Variants in SLC24A2 observed in about 807,000 individuals in gnomAD.
SLC24A2 encodes solute carrier family 24 member 2.
In SLC24A2, 36 loss-of-function variants were observed where a neutral mutation model predicts 62.0. That is an observed-to-expected ratio of 0.58 (90% CI 0.44 to 0.77). The LOEUF (loss-of-function observed/expected upper bound fraction) is 0.77, where lower values mean the gene tolerates loss of function less well. Ranked by LOEUF, SLC24A2 falls within the 30% of genes least tolerant of loss-of-function variation. The pLI is 0.00. For missense variants in SLC24A2, 846 were observed against 817.9 expected (o/e 1.03, Z -0.42); for synonymous variants, 358 against 294.0 (o/e 1.22, Z -2.23).
At chr9:20,094,018 C>T in the SLC24A2 span, among the ~76,000 whole-genome samples, 2 of 152,042 alleles carry the variant, frequency 1.3e-5, no homozygotes, top group African/African-American at 2.4e-5. Flanking sequence ...AGAGTTTTCA[C>T]GGAGTCTATG....
chr9:20,234,306 A>G, the SLC24A2 span, among the ~76,000 whole-genome samples: 32 of 152,270 alleles, frequency 2.1e-4, no homozygotes, highest in East Asian at 5.8e-3. Context: ...CTCCTGGATA[A>G]TATCCTGCAG....
chr9:19,668,842 G>A (rs1176793498), intron 2 of SLC24A2, among the ~76,000 whole-genome samples: 1 of 152,174 alleles, frequency 6.6e-6, no homozygotes, highest in Non-Finnish European at 1.5e-5. Flanking sequence ...TTGGTGCAGA[G>A]ATCAGGTCTT....
chr9:19,943,274 C>CTT, the SLC24A2 span, among the ~76,000 whole-genome samples: 9 of 151,736 alleles, frequency 5.9e-5, no homozygotes, highest in Non-Finnish European at 8.8e-5. Context: ...TGATGAATGA[C>CTT]TTTTTTCACT....
chr9:20,254,016 G>C, the SLC24A2 span, among the ~76,000 whole-genome samples: 3,428 of 152,310 alleles, frequency 0.023, 113 homozygotes, highest in African/African-American at 0.076. Context: ...AAAGCAAAGA[G>C]AGAGACAAAG....
chr9:19,765,644 T>C (rs374740012), intron 2 of SLC24A2, among the ~76,000 whole-genome samples: 3 of 152,354 alleles, frequency 2.0e-5, no homozygotes, highest in Admixed American at 6.5e-5. Context: ...TTCTGGCTTG[T>C]AGGGTTTCTG....
the SLC24A2 span, among the ~76,000 whole-genome samples, chr9:19,912,407 A>C: frequency 2.6e-5 from 4 of 152,186 alleles, no homozygotes; most frequent in African/African-American, 9.7e-5. Context: ...GCAGGGATTT[A>C]AATCAGGTAT....
the SLC24A2 span, among the ~76,000 whole-genome samples, chr9:20,110,647 G>C: frequency 1.8e-4 from 28 of 152,110 alleles, no homozygotes; most frequent in East Asian, 5.4e-3. Context: ...ATTGTTACTA[G>C]ATCTTCTCTT....
intron 7 of SLC24A2, among the ~76,000 whole-genome samples, chr9:19,555,679 T>C (rs1271199032): frequency 6.6e-6 from 1 of 152,218 alleles, no homozygotes; most frequent in Non-Finnish European, 1.5e-5. Context: ...GCTTGGTGGC[T>C]CACACCTGTA....
the SLC24A2 span, among the ~76,000 whole-genome samples, chr9:20,093,167 G>A: frequency 2.1e-3 from 315 of 151,860 alleles, 2 homozygotes; most frequent in Non-Finnish European, 1.1e-3. Context: ...CACCTCCCAG[G>A]TTCAAAAGAT....
the SLC24A2 span, among the ~76,000 whole-genome samples, chr9:20,245,468 C>T: frequency 5.3e-5 from 8 of 152,162 alleles, no homozygotes; most frequent in East Asian, 9.6e-4. Context: ...TAGAGCATGG[C>T]GACTGGGAGT....
chr9:20,270,337 A>T, the SLC24A2 span, among the ~76,000 whole-genome samples: 12 of 152,044 alleles, frequency 7.9e-5, no homozygotes, highest in East Asian at 2.3e-3. Context: ...TCTAGGCTAT[A>T]TTTTTTACTG....
chr9:20,295,716 C>T, the SLC24A2 span, among the ~76,000 whole-genome samples: 1 of 152,202 alleles, frequency 6.6e-6, no homozygotes, highest in Admixed American at 6.5e-5. Flanking sequence ...ACCAGTGGCA[C>T]TCTGGGTCCT....
intron 7 of SLC24A2, among the ~76,000 whole-genome samples, chr9:19,562,963 G>A (rs1835478423): frequency 1.3e-5 from 2 of 152,208 alleles, no homozygotes; most frequent in South Asian, 4.2e-4. Flanking sequence ...AAAATTAACT[G>A]GGCATGGTGG....
At chr9:20,005,400 A>T in the SLC24A2 span, among the ~76,000 whole-genome samples, 1 of 152,170 alleles carries the variant, frequency 6.6e-6, no homozygotes, top group Non-Finnish European at 1.5e-5. Context: ...TGTGCTGAGG[A>T]CTTTACATAT....
At chr9:20,264,872 A>T in the SLC24A2 span, among the ~76,000 whole-genome samples, 60 of 152,328 alleles carry the variant, frequency 3.9e-4, 1 homozygote, top group Admixed American at 1.2e-3. Context: ...GAGGTCTATC[A>T]GTTCTAAAAT....
chr9:20,145,700 C>T, the SLC24A2 span, among the ~76,000 whole-genome samples: 5 of 151,724 alleles, frequency 3.3e-5, no homozygotes, highest in African/African-American at 1.2e-4. Context: ...CTACCCCTTC[C>T]TCAGGGATAA....
chr9:19,525,249 G>C (rs1040321298), intron 9 of SLC24A2, among the ~76,000 whole-genome samples: 1 of 151,990 alleles, frequency 6.6e-6, no homozygotes. Flanking sequence ...AAATAAGACA[G>C]TGTATCAGCC....
chr9:19,736,302 T>C (rs1289745975), intron 2 of SLC24A2, among the ~76,000 whole-genome samples: 1 of 152,108 alleles, frequency 6.6e-6, no homozygotes, highest in Non-Finnish European at 1.5e-5. Flanking sequence ...ATGATGGATT[T>C]AAACCCCAAA....
At position 19,759,553 on chromosome 9, in the gene SLC24A2, C is replaced by T. The variant is rs530017666; in HGVS notation, c.930+26384G>A. ...AGCATTGCAGCCATATGGACACTTGCACTTGAATGATAAAATTGGACAATG... is the reference window on the plus strand; with the variant it reads ...AGCATTGCAGCCATATGGACACTTGTACTTGAATGATAAAATTGGACAATG... On this transcript the variant is annotated intron_variant, in intron 2 of 10. Transcript: ENST00000341998. 1.2e-4 allele frequency among the ~76,000 whole-genome samples: 19 copies of T among 152,246 alleles called. No homozygotes were observed. The Middle Eastern group carries it at 0.01, about 82-fold the overall frequency.
Sources: allele counts gnomAD v4.1 joint callset (sites outside exome capture counted in the v4.1 genomes callset), GRCh38; gene constraint gnomAD v4.1.1; transcripts MANE v1.5; gene names NCBI Gene and HGNC (gene_info 2026-07-23, HGNC 2026-07-21).